ODR4: variants seen among roughly 807,000 people sequenced by gnomAD.
ODR4 encodes the protein protein odr-4 homolog.
Under a neutral mutation model 60.2 loss-of-function variants are expected in ODR4, and 47 were observed. The observed-to-expected ratio is 0.78, with a 90% CI of 0.62 to 1.00. The LOEUF (loss-of-function observed/expected upper bound fraction) is 1.00, where lower values mean the gene tolerates loss of function less well. ODR4 is among the 50% of genes least tolerant of loss of function. The pLI is 0.00. For synonymous variants in ODR4, 178 were observed against 175.5 expected, an observed-to-expected ratio of 1.01 and a Z score of -0.11; for missense variants, 488 against 530.8, an observed-to-expected ratio of 0.92 and a Z score of 0.79.
At chr1:186,391,088 A>C (rs765679735) in intron 7 of ODR4, among the ~76,000 whole-genome samples, 5 of 152,208 alleles carry the variant, frequency 3.3e-5, no homozygotes, top group Non-Finnish European at 7.4e-5. Flanking sequence ...TAGTTGTTAG[A>C]CTAAATATAC....
chr1:186,402,776 G>A (rs908206405), intron 11 of ODR4, among the ~76,000 whole-genome samples: 3 of 152,036 alleles, frequency 2.0e-5, no homozygotes, highest in African/African-American at 7.2e-5. Flanking sequence ...TTACCTTTTT[G>A]TAGAGATGGG....
At chr1:186,387,404 G>T (rs1242145008) in intron 4 of ODR4, among the ~76,000 whole-genome samples, 1 of 152,108 alleles carries the variant, frequency 6.6e-6, no homozygotes, top group Non-Finnish European at 1.5e-5. Flanking sequence ...TTTTTGGCTG[G>T]TGCTGAATTG....
intron 1 of ODR4, among the ~76,000 whole-genome samples, chr1:186,377,469 G>T (rs1659829189): frequency 6.6e-6 from 1 of 152,022 alleles, no homozygotes; most frequent in Admixed American, 6.5e-5. Flanking sequence ...ACATTAATAT[G>T]GCTACTAGGT....
At chr1:186,417,499 T>TA (rs1558101560) in intron 12 of ODR4, 45 bp from the exon 13 acceptor site, 1 of 1,066,422 alleles carries the variant, frequency 9.4e-7, no homozygotes, top group East Asian at 2.6e-5. Flanking sequence ...TTTCATGTGT[T>TA]AATCCTTATT....
chr1:186,421,879 A>G (rs72713774), downstream of ODR4, among the ~76,000 whole-genome samples: 64 of 135,106 alleles, frequency 4.7e-4, 2 homozygotes, highest in South Asian at 6.7e-4. Context: ...AAAAAAAAAA[A>G]ATGATGAATC....
At chr1:186,382,250 A>G (rs1002979255) in intron 2 of ODR4, among the ~76,000 whole-genome samples, 25 of 77,790 alleles carry the variant, frequency 3.2e-4, no homozygotes, top group African/African-American at 9.3e-4. Flanking sequence ...ACAAAAAAGT[A>G]AAAAAAAAAA....
At chr1:186,415,101 G>A (rs1005237087) in intron 12 of ODR4, among the ~76,000 whole-genome samples, 1 of 149,656 alleles carries the variant, frequency 6.7e-6, no homozygotes, top group East Asian at 2.3e-4. Context: ...AAAAAAAAAG[G>A]GGGGAGGGTT....
rs1236083216 is a variant in ODR4 at position 186,391,728 on chromosome 1, A to G, written c.648A>G (p.Glu216=). The change falls in exon 8 of 14, where the codon GAA becomes GAG. Residue 216 remains glutamate (E), a synonymous_variant. Coordinates refer to ENST00000287859, the MANE Select transcript of ODR4 (RefSeq NM_017847.6). ...TTACACGCTGGGCCAAGGAAATAGA[A>G]AATGGTGTTTATTTGATTAATGGAC... is the stretch of plus-strand genomic sequence containing the variant. The part of the protein sequence containing the change: ...NGLTRWAKEI[E]NGVYLINGQV... 6.2e-7 allele frequency: 1 copy of G among 1,605,008 alleles called. No homozygotes were observed. The highest frequency in any genetic ancestry group is 8.5e-7 in the Non-Finnish European group (1 of 1,175,820).
rs972796901 is a variant in ODR4 at position 186,393,977 on chromosome 1, A to G, written c.742A>G (p.Thr248Ala). Residue 248 changes from threonine to alanine, a missense_variant, in exon 9 of 14, where the codon ACT becomes GCT. Coordinates refer to ENST00000287859, the MANE Select transcript of ODR4 (RefSeq NM_017847.6). ...KKSSRGNTQA[T>A]SHSFDVRVLT... ...ATCTTCTAGAGGAAATACTCAAGCAACTAGTCATTCTTTTGATGTCAGAGT... is the reference window on the plus strand; with the variant it reads ...ATCTTCTAGAGGAAATACTCAAGCAGCTAGTCATTCTTTTGATGTCAGAGT... 2.0e-6 allele frequency: 3 copies of G among 1,524,942 alleles called. No individual in the cohort carries two copies. The highest frequency in any genetic ancestry group is 2.7e-6 in the Non-Finnish European group (3 of 1,126,220). 94.5% of individuals were successfully genotyped at this position (1,524,942 alleles called of 1,614,324 possible).
Position 186,383,081 on chromosome 1 carries a change from A to G in ODR4, c.159A>G (p.Gln53=). 4 of 1,572,522 alleles carry G rather than the reference A, an allele frequency of 2.5e-6. No homozygotes were observed. The highest frequency in any genetic ancestry group is 3.5e-6 in the Non-Finnish European group (4 of 1,157,718). Residue 53 remains glutamine (Q), a synonymous_variant, in exon 3 of 14, where the codon CAA becomes CAG. Transcript: ENST00000287859. ...CTAGAACGCCACCCAAAGAGGAGCA[A>G]AGTGAGAACCTCAAACATCCCAAAG... ...LATRTPPKEE[Q]SENLKHPKAK... is the part of the protein sequence containing the mutation.
Position 186,379,868 on chromosome 1 carries a change from G to C in ODR4, c.83G>C (p.Gly28Ala). The C allele has an allele frequency of 3.8e-6, 6 of 1,597,766 alleles. No homozygotes were observed. Among genetic ancestry groups the C allele is most frequent in the Non-Finnish European group, 5.1e-6 (6 of 1,169,208 alleles). The change falls in exon 2 of 14, where the codon GGC becomes GCC. Residue 28 changes from glycine to alanine, a missense_variant. By Grantham distance (60) the Gly-to-Ala change is moderately conservative (BLOSUM62 0). Coordinates refer to ENST00000287859, the MANE Select transcript of ODR4 (RefSeq NM_017847.6). ...INLQGKAFVS[G>A]LLIGQCSSQK... is the part of the protein sequence containing the mutation. ...CTCCAAGGAAAGGCTTTTGTCTCTGGCCTTTTAATAGGACAGGTATGTATC... is the reference window on the plus strand; with the variant it reads ...CTCCAAGGAAAGGCTTTTGTCTCTGCCCTTTTAATAGGACAGGTATGTATC...
intron 6 of ODR4, 129 bp from the exon 7 acceptor site, chr1:186,390,582 G>T: frequency 2.2e-6 from 2 of 913,406 alleles, no homozygotes; most frequent in Admixed American, 2.4e-5. Context: ...TTTGATCAAG[G>T]GTTTAGCCAT....
chr1:186,394,112 T>C, intron 9 of ODR4, 97 bp downstream of exon 9: 3 of 757,518 alleles, frequency 4.0e-6, no homozygotes, highest in Non-Finnish European at 6.4e-6. Flanking sequence ...AAAAGGATTT[T>C]AGAGCTGTAA....
the ODR4 span, among the ~76,000 whole-genome samples, chr1:186,426,855 AT>A: frequency 1.3e-4 from 19 of 151,416 alleles, no homozygotes; most frequent in African/African-American, 2.7e-4. Flanking sequence ...TCAAGTCACA[AT>A]TTTTTTTTGT....
chr1:186,417,252 C>T (rs887997796), intron 12 of ODR4: 1 of 293,142 alleles, frequency 3.4e-6, no homozygotes, highest in South Asian at 3.3e-5. Context: ...CGTCAGCCAC[C>T]ATGCCTGGCC....
chr1:186,384,494 T>G (rs1182178909), intron 3 of ODR4, among the ~76,000 whole-genome samples: 1 of 151,998 alleles, frequency 6.6e-6, no homozygotes, highest in African/African-American at 2.4e-5. Context: ...TATTAAGTAA[T>G]GTAAAGTTAA....
chr1:186,389,497 C>T (rs1053027218), intron 5 of ODR4, 91 bp from the exon 6 acceptor site: 18 of 949,116 alleles, frequency 1.9e-5, no homozygotes, highest in East Asian at 1.5e-4. Context: ...CTTTTGGATG[C>T]GTGCATTTTT....
At chr1:186,393,010 TAAAAG>T (rs897721781) in intron 8 of ODR4, among the ~76,000 whole-genome samples, 2 of 151,300 alleles carry the variant, frequency 1.3e-5, no homozygotes, top group African/African-American at 4.9e-5. Context: ...CATTTCAAAA[TAAAAG>T]AAAAGGAAAA....
At chr1:186,421,753 A>G (rs921007571), downstream of ODR4, among the ~76,000 whole-genome samples, 3 of 151,254 alleles carry the variant, frequency 2.0e-5, no homozygotes, top group South Asian at 2.1e-4. Context: ...AATCCTAGCT[A>G]CTCTGGAGGC....
Sources: gnomAD v4.1 joint callset for allele counts (sites outside exome capture counted in the v4.1 genomes callset) on GRCh38, gnomAD v4.1.1 for gene constraint, MANE v1.5 for transcripts, NCBI Gene and HGNC (gene_info 2026-07-23, HGNC 2026-07-21) for gene names.